USP15: variants seen among roughly 807,000 people sequenced by gnomAD.
The protein encoded by USP15 is ubiquitin specific peptidase 15, also known as ubiquitin carboxyl-terminal hydrolase 15.
USP15 carries 18 observed loss-of-function variants against 127.1 expected under a neutral mutation model. The ratio of observed to expected loss-of-function variants is 0.14; its 90% confidence interval spans 0.10 to 0.21. The LOEUF is 0.21. USP15 is among the 10% of genes least tolerant of loss of function. USP15 has a pLI of 1.00. For missense variants in USP15, 805 were observed against 1,159.9 expected, an observed-to-expected ratio of 0.69 and a Z score of 4.44; for synonymous variants, 364 against 393.7, an observed-to-expected ratio of 0.92 and a Z score of 0.89.
chr12:62,276,651 A>G (rs922453203), intron 1 of USP15, among the ~76,000 whole-genome samples: 4 of 152,102 alleles, frequency 2.6e-5, no homozygotes, highest in East Asian at 1.9e-4. Context: ...TTTCTCAGGA[A>G]TGAATACACT....
In USP15 at chr12:62,393,229, A is replaced by G. The variant is rs550054595; in HGVS notation, c.2570+27A>G. The G allele has an allele frequency of 4.4e-6, 7 of 1,596,410 alleles. 1 individual carries two copies. The South Asian group carries it at 5.7e-5, about 13-fold the overall frequency. The stretch of plus-strand genomic sequence containing the variant: ...TAAGCTTTAATTGTACTTTATAAGC[A>G]TTGGGCAACTCTTCTTTCAAACTTA... On this transcript the variant is annotated intron_variant, in intron 19 of 21. Transcript: ENST00000280377.
intron 4 of USP15, among the ~76,000 whole-genome samples, chr12:62,320,891 T>C (rs975540408): frequency 9.2e-5 from 14 of 152,116 alleles, no homozygotes; most frequent in African/African-American, 3.4e-4. Flanking sequence ...TAGATGAAAT[T>C]TCAGTAAATT....
intron 8 of USP15, among the ~76,000 whole-genome samples, chr12:62,370,073 CA>C (rs2066613657): frequency 6.6e-6 from 1 of 152,158 alleles, no homozygotes. Flanking sequence ...CTCCCGGGTT[CA>C]AGCGATTCTC....
intron 21 of USP15, among the ~76,000 whole-genome samples, chr12:62,403,292 A>G (rs1030590855): frequency 6.6e-6 from 1 of 152,104 alleles, no homozygotes; most frequent in African/African-American, 2.4e-5. Context: ...AGGACAGAAC[A>G]TAGTATGTTT....
intron 1 of USP15, among the ~76,000 whole-genome samples, chr12:62,263,640 A>T (rs1012365032): frequency 1.2e-4 from 19 of 152,346 alleles, no homozygotes; most frequent in Admixed American, 7.2e-4. Flanking sequence ...AAGTAAATCA[A>T]AATTAATACG....
chr12:62,260,804 C>T (rs572560080), intron 1 of USP15, among the ~76,000 whole-genome samples: 2 of 152,262 alleles, frequency 1.3e-5, no homozygotes, highest in South Asian at 2.1e-4. Context: ...CCACCTCAGG[C>T]CTTCCCGAAT....
At chr12:62,391,521 G>C (rs2067325458) in intron 16 of USP15, 92 bp downstream of exon 16, 1 of 1,462,404 alleles carries the variant, frequency 6.8e-7, no homozygotes, top group Non-Finnish European at 9.2e-7. Flanking sequence ...GCTCTGTCAA[G>C]AAATATACCA....
At chr12:62,329,115 G>A (rs1355419880) in intron 6 of USP15, among the ~76,000 whole-genome samples, 1 of 151,776 alleles carries the variant, frequency 6.6e-6, no homozygotes, top group Non-Finnish European at 1.5e-5. Context: ...TGAATAGTAG[G>A]CTGGGCATGG....
chr12:62,326,045 C>T (rs1228659065), intron 6 of USP15, 112 bp downstream of exon 6: 1 of 866,944 alleles, frequency 1.2e-6, no homozygotes. Flanking sequence ...AAATTCATGC[C>T]TTGTTTATAT....
At chr12:62,341,277 A>G (rs1002254889) in intron 6 of USP15, among the ~76,000 whole-genome samples, 2 of 151,072 alleles carry the variant, frequency 1.3e-5, no homozygotes, top group Non-Finnish European at 2.9e-5. Context: ...ATGTCTTTGC[A>G]TGTGAGATGG....
intron 20 of USP15, among the ~76,000 whole-genome samples, 196 bp from the exon 21 acceptor site, chr12:62,400,991 C>T (rs1023481064): frequency 6.6e-6 from 1 of 151,930 alleles, no homozygotes; most frequent in Non-Finnish European, 1.5e-5. Context: ...AATGTTTCAA[C>T]TTACATGAAA....
intron 1 of USP15, among the ~76,000 whole-genome samples, chr12:62,289,697 T>TGTGTGTGTGTGTGTG (rs2063898374): frequency 7.4e-6 from 1 of 135,430 alleles, no homozygotes; most frequent in Admixed American, 7.4e-5. Context: ...GGTTGTTAAT[T>TGTGTGTGTGTGTGTG]TGTGTGTGTG....
intron 9 of USP15, among the ~76,000 whole-genome samples, chr12:62,383,187 A>C (rs1386387163): frequency 1.3e-5 from 2 of 151,876 alleles, no homozygotes; most frequent in African/African-American, 4.8e-5. Flanking sequence ...GCTGCCACAA[A>C]CACTGAAATA....
chr12:62,286,766 C>T (rs2063799665), intron 1 of USP15, among the ~76,000 whole-genome samples: 1 of 151,740 alleles, frequency 6.6e-6, no homozygotes, highest in African/African-American at 2.4e-5. Context: ...GGTAAAACCC[C>T]GTCTCTATTA....
rs1304023255 is a variant in USP15, at chr12:62,411,422, C to G, written c.*7047C>G. ...TATGTGCCAGGCACTATTCTAGATT[C>G]AAGATATAAAGTAATATACAAAAAC... On this transcript the variant is annotated 3_prime_UTR_variant, in exon 22 of 22. Coordinates refer to ENST00000280377, the MANE Select transcript of USP15 (RefSeq NM_001252078.2). The G allele has an allele frequency of 6.6e-6, 1 of 152,132 alleles. No individual in the cohort carries two copies. Among genetic ancestry groups the G allele is most frequent in the African/African-American group, 2.4e-5 (1 of 41,438 alleles). 9.4% of individuals were successfully genotyped at this position (152,132 alleles called of 1,614,324 possible).
intron 8 of USP15, among the ~76,000 whole-genome samples, chr12:62,358,697 CAA>C (rs2066217308): frequency 1.3e-5 from 2 of 152,082 alleles, no homozygotes; most frequent in South Asian, 4.2e-4. Context: ...GCCTGGGTGA[CAA>C]GAGCAAAACT....
At chr12:62,355,760 G>GA (rs144442391) in intron 8 of USP15, among the ~76,000 whole-genome samples, 6,049 of 144,840 alleles carry the variant, frequency 0.042, 163 homozygotes, top group African/African-American at 0.059. Flanking sequence ...AAAAGGGAGG[G>GA]AAAAAAAAGC....
chr12:62,268,700 G>T (rs1240788983), intron 1 of USP15, among the ~76,000 whole-genome samples: 1 of 151,924 alleles, frequency 6.6e-6, no homozygotes, highest in Non-Finnish European at 1.5e-5. Flanking sequence ...CAAATTTGTG[G>T]CCCCTCCATT....
chr12:62,391,192 A>G lies in USP15; in HGVS notation c.1996A>G (p.Ser666Gly). The G allele has an allele frequency of 6.2e-7, 1 of 1,613,602 alleles. No individual in the cohort carries two copies. The highest frequency in any genetic ancestry group is 1.1e-5 in the South Asian group (1 of 91,026). The change falls in exon 16 of 22, where the codon AGC (serine) becomes GGC (glycine). Residue 666 changes from serine (S) to glycine (G), a missense_variant. Coordinates refer to ENST00000280377, the MANE Select transcript of USP15 (RefSeq NM_001252078.2). Reference protein sequence around the residue: ...METDEPDDESSQDQELPSENE... With the variant: ...METDEPDDESGQDQELPSENE... The stretch of plus-strand genomic sequence containing the variant: ...AACAGATGAGCCAGATGATGAATCC[A>G]GCCAGGATCAAGAACTTCCCTCAGA...
Sources: allele counts gnomAD v4.1 joint callset (sites outside exome capture counted in the v4.1 genomes callset), GRCh38; gene constraint gnomAD v4.1.1; transcripts MANE v1.5; gene names NCBI Gene and HGNC (gene_info 2026-07-23, HGNC 2026-07-21).